NUDT17: variants seen among roughly 807,000 people sequenced by gnomAD.
NUDT17 encodes nudix hydrolase 17.
Under a neutral mutation model 38.6 loss-of-function variants are expected in NUDT17, and 38 were observed. The ratio of observed to expected loss-of-function variants is 0.98; its 90% CI spans 0.76 to 1.29. The LOEUF (loss-of-function observed/expected upper bound fraction) is 1.29. Among genes scored for constraint, NUDT17 ranks in the 50% most tolerant of loss-of-function variants. NUDT17 has a pLI of 0.00. For missense variants in NUDT17, 462 were observed against 415.2 expected (o/e 1.11, Z -0.98); for synonymous variants, 192 against 167.8 (o/e 1.14, Z -1.11).
Position 145,845,779 on chromosome 1 carries a change from C to G in NUDT17, c.139C>G (p.Leu47Val). 6.3e-7 allele frequency: 1 copy of G among 1,591,896 alleles called. No individual in the cohort carries two copies. The highest frequency in any genetic ancestry group is 1.3e-5 in the African/African-American group (1 of 74,706). Reference protein sequence around the residue: ...PIHCSLKRGRLVLSSRPFPGA... With the variant: ...PIHCSLKRGRVVLSSRPFPGA... ...TCACTGCAGCTTGAAGCGAGGACGG[C>G]TTGTCCTCTCGAGCAGGCCCTTCCC... is the stretch of plus-strand genomic sequence containing the variant. The change falls in exon 1 of 8, where the codon CTT becomes GTT. Residue 47 changes from leucine to valine, a missense_variant. Physicochemically the swap from Leu to Val is conservative, Grantham distance 32. Coordinates refer to ENST00000334513, the MANE Select transcript of NUDT17 (RefSeq NM_001012758.3).
Position 145,846,158 on chromosome 1 carries a change from G to T in NUDT17, c.338G>T (p.Arg113Leu). 3.1e-6 allele frequency: 5 copies of T among 1,595,748 alleles called. No homozygotes were observed. Among genetic ancestry groups the T allele is most frequent in the South Asian group, 1.1e-5 (1 of 88,152 alleles). The change falls in exon 2 of 8, where the codon CGC becomes CTC. Residue 113 changes from arginine to leucine, a missense_variant. Arg to Leu is a moderately radical substitution (Grantham distance 102, BLOSUM62 -2). Transcript: ENST00000334513. ...ACTGTCTTGCTAACCCGAAGGGCAC[G>T]CACCCTGAGCGTTTCCCCCAACCTC... is the stretch of plus-strand genomic sequence containing the variant. Reference protein sequence around the residue: ...DKTVLLTRRARTLSVSPNLWV... With the variant: ...DKTVLLTRRALTLSVSPNLWV...
Position 145,847,677 on chromosome 1 carries a change from A to G in NUDT17, c.689A>G (p.Glu230Gly). The G allele has an allele frequency of 6.2e-7, 1 of 1,614,090 alleles. No individual in the cohort carries two copies. The highest frequency in any genetic ancestry group is 8.5e-7 in the Non-Finnish European group (1 of 1,180,008). ...AAVAAAEDGT[E>G]TPGLLPQDLP... Reference sequence around the variant, plus strand: ...GTGGCTGCCGCAGAGGATGGGACAGAGACACCCGGACTTCTCCCCCAGGAC... The same window carrying G: ...GTGGCTGCCGCAGAGGATGGGACAGGGACACCCGGACTTCTCCCCCAGGAC... Residue 230 changes from glutamate to glycine, a missense_variant, in exon 6 of 8, where the codon GAG becomes GGG. Glu to Gly is a moderately conservative substitution (Grantham distance 98). Coordinates refer to ENST00000334513, the MANE Select transcript of NUDT17 (RefSeq NM_001012758.3).
At position 145,847,706 on chromosome 1, in the gene NUDT17, C is replaced by A. The variant is rs1553732999; in HGVS notation, c.718C>A (p.Pro240Thr). The change falls in exon 6 of 8, where the codon CCA becomes ACA. Residue 240 changes from proline to threonine, a missense_variant. By Grantham distance (38) the Pro-to-Thr change is conservative. Coordinates refer to ENST00000334513, the MANE Select transcript of NUDT17 (RefSeq NM_001012758.3). Reference protein sequence around the residue: ...ETPGLLPQDLPPSVLAVELEE... With the variant: ...ETPGLLPQDLTPSVLAVELEE... ...ACCCGGACTTCTCCCCCAGGACCTA[C>A]CACCCTCTGTCCTGTAAGTAAGAGC... The A allele has an allele frequency of 6.2e-7, 1 of 1,614,014 alleles. No individual in the cohort carries two copies. Among genetic ancestry groups the A allele is most frequent in the African/African-American group, 1.3e-5 (1 of 74,908 alleles).
At position 145,848,140 on chromosome 1, in the gene NUDT17, G is replaced by C. The variant is rs782700883; in HGVS notation, c.760G>C (p.Ala254Pro). 2.5e-6 allele frequency: 4 copies of C among 1,613,808 alleles called. No individual in the cohort carries two copies. The highest frequency in any genetic ancestry group is 3.4e-6 in the Non-Finnish European group (4 of 1,179,954). The stretch of plus-strand genomic sequence containing the variant: ...AGTGGAACTAGAGGAGGATGGAAGA[G>C]CCCGACCTCTGGTCCTGCACATGTC... ...LAVELEEDGR[A>P]RPLVLHMSTL... The change falls in exon 7 of 8, where the codon GCC becomes CCC. Residue 254 changes from alanine (A) to proline (P), a missense_variant. Physicochemically the swap from Ala to Pro is conservative, Grantham distance 27 (BLOSUM62 -1). Coordinates refer to ENST00000334513, the MANE Select transcript of NUDT17 (RefSeq NM_001012758.3).
Position 145,845,727 on chromosome 1 carries a change from C to A in NUDT17, c.87C>A (p.Ala29=), listed in dbSNP as rs1367308327. The part of the protein sequence containing the change: ...FARSVCGLLG[A]GPGLGTWPIH... The stretch of plus-strand genomic sequence containing the variant: ...GGAGTGTGTGTGGCCTCCTGGGAGC[C>A]GGACCAGGGCTCGGGACGTGGCCCA... The change falls in exon 1 of 8, where the codon GCC becomes GCA. Residue 29 remains alanine (A), a synonymous_variant. Transcript: ENST00000334513. 1.3e-6 allele frequency: 2 copies of A among 1,558,740 alleles called. No individual in the cohort carries two copies. Among genetic ancestry groups the A allele is most frequent in the African/African-American group, 2.7e-5 (2 of 73,552 alleles).
At position 145,848,724 on chromosome 1, in the gene NUDT17, G is replaced by T; in HGVS notation, c.*245G>T. 6.7e-6 allele frequency: 3 copies of T among 449,602 alleles called. No individual in the cohort carries two copies. In the South Asian group the frequency reaches 1.1e-4, roughly 16 times the overall value. The allele number at this position is 449,602 out of a possible 1,614,324, so 27.9% of individuals were successfully genotyped here. ...CCATGAGCCTCTAGAAGCTTAGGGG[G>T]GAATAAGAAACACTGTGAACTTAGA... On this transcript the variant is annotated 3_prime_UTR_variant, in exon 8 of 8. Transcript: ENST00000334513.
chr1:145,846,011 A>T lies in NUDT17; in HGVS notation c.193-2A>T, dbSNP rs1469130425. 1 of 1,597,250 alleles carries T rather than the reference A, an allele frequency of 6.3e-7. No individual in the cohort carries two copies. The highest frequency in any genetic ancestry group is 8.5e-7 in the Non-Finnish European group (1 of 1,172,722). On this transcript the variant is annotated splice_acceptor_variant, in intron 1 of 7. Transcript: ENST00000334513. LOFTEE classifies it high-confidence loss of function. Reference sequence around the variant, plus strand: ...TTAACCCAGCTGGCTTCCTTCTGCCAGCGACCCCCTTTCTGCCCTTTTGCG... The same window carrying T: ...TTAACCCAGCTGGCTTCCTTCTGCCTGCGACCCCCTTTCTGCCCTTTTGCG...
rs1553732022 is a variant in NUDT17, at chr1:145,845,676, G to A, written c.36G>A (p.Arg12=). 6.5e-7 allele frequency: 1 copy of A among 1,535,936 alleles called. No individual in the cohort carries two copies. The highest frequency in any genetic ancestry group is 1.2e-5 in the South Asian group (1 of 83,732). Residue 12 remains arginine (R), a synonymous_variant, in exon 1 of 8, where the codon CGG becomes CGA. Transcript: ENST00000334513. The part of the protein sequence containing the change: ...AEVRVQLLLS[R]RPESVSFARS... ...TGCGGGTGCAGCTGCTCCTGTCCCG[G>A]CGTCCGGAGTCGGTGAGCTTCGCAC...
chr1:145,845,900 A>C, intron 1 of NUDT17, 68 bp downstream of exon 1: 1 of 1,532,180 alleles, frequency 6.5e-7, no homozygotes, highest in South Asian at 1.2e-5. Flanking sequence ...ATCGGGTGGG[A>C]ACTGGCGGCG....
In NUDT17 at chr1:145,848,762, G is replaced by GA; in HGVS notation, c.*284dup. ...CTGTGAACTTAGATATATAAATAGA[G>GA]AGAGACCCAAGCAATAGGCCGGGCC... On this transcript the variant is annotated 3_prime_UTR_variant, in exon 8 of 8. Coordinates refer to ENST00000334513, the MANE Select transcript of NUDT17 (RefSeq NM_001012758.3). 3.0e-6 allele frequency: 1 copy of GA among 328,712 alleles called. No individual in the cohort carries two copies. The highest frequency in any genetic ancestry group is 5.6e-6 in the Non-Finnish European group (1 of 179,406). 20.4% of individuals were successfully genotyped at this position (328,712 alleles called of 1,614,324 possible). A position where few individuals can be genotyped will look rare whatever the true frequency, so the allele number is the denominator to read the frequency against.
At position 145,845,653 on chromosome 1, in the gene NUDT17, CGG is replaced by C. The variant is rs1201644551; in HGVS notation, c.15_16del (p.Val6AlafsTer54). On this transcript the variant is annotated frameshift_variant, in exon 1 of 8. Transcript: ENST00000334513. LOFTEE classifies it high-confidence loss of function. MAEV[R>X]VQLLLSRRPE... ...CCAGAGTCGCGTTATGGCCGAGGTG[CGG>C]GTGCAGCTGCTCCTGTCCCGGCGTC... is the stretch of plus-strand genomic sequence containing the variant. 1 of 1,519,738 alleles carries C rather than the reference CGG, an allele frequency of 6.6e-7. No homozygotes were observed. The highest frequency in any genetic ancestry group is 8.9e-7 in the Non-Finnish European group (1 of 1,125,460). The allele number at this position is 1,519,738 out of a possible 1,614,324, so 94.1% of individuals were successfully genotyped here.
intron 5 of NUDT17, 112 bp downstream of exon 5, chr1:145,847,460 G>C (rs1408691046): frequency 6.9e-7 from 1 of 1,454,094 alleles, no homozygotes; most frequent in Admixed American, 1.7e-5. Context: ...AGATAACGAA[G>C]AATATGCAAT....
chr1:145,846,755 A>C, intron 4 of NUDT17, 65 bp downstream of exon 4: 1 of 1,095,352 alleles, frequency 9.1e-7, no homozygotes, highest in Non-Finnish European at 1.4e-6. Flanking sequence ...GCTACAAGGG[A>C]AACAATAGCA....
At chr1:145,846,348 G>T in intron 2 of NUDT17, 85 bp from the exon 3 acceptor site, 1 of 1,515,528 alleles carries the variant, frequency 6.6e-7, no homozygotes, top group Non-Finnish European at 9.2e-7. Flanking sequence ...TGTGTCCACT[G>T]GAGGGGAGAG....
chr1:145,847,060 G>A (rs1030559340), intron 4 of NUDT17, among the ~76,000 whole-genome samples, 190 bp from the exon 5 acceptor site: 1 of 152,138 alleles, frequency 6.6e-6, no homozygotes, highest in Non-Finnish European at 1.5e-5. Context: ...TGGGCGTGGC[G>A]GCAGGCGCCT....
rs1393775376 is a variant in NUDT17 at position 145,846,624 on chromosome 1, TTGGGAGGAGAG to T, written c.433_443del (p.Glu145ThrfsTer23). 1 of 1,614,016 alleles carries T rather than the reference TTGGGAGGAGAG, an allele frequency of 6.2e-7. No homozygotes were observed. Among genetic ancestry groups the T allele is most frequent in the Non-Finnish European group, 8.5e-7 (1 of 1,179,994 alleles). On this transcript the variant is annotated frameshift_variant, in exon 4 of 8. Coordinates refer to ENST00000334513, the MANE Select transcript of NUDT17 (RefSeq NM_001012758.3). LOFTEE classifies it high-confidence loss of function. ...TGCTGGACGGAGGGCTTCGAGAACT[TTGGGAGGAGAG>T]TGGACTACACCTGCCCCAGGGCCAG...
Position 145,846,031 on chromosome 1 carries a change from TTTGC to T in NUDT17, c.212_215del (p.Phe71TrpfsTer37). On this transcript the variant is annotated frameshift_variant, in exon 2 of 8. Coordinates refer to ENST00000334513, the MANE Select transcript of NUDT17 (RefSeq NM_001012758.3). LOFTEE classifies it high-confidence loss of function. ...CTGCCAGCGACCCCCTTTCTGCCCT[TTTGC>T]GGCCCTGGAGGAGCGGCCCAGGGTC... is the stretch of plus-strand genomic sequence containing the variant. 6.2e-7 allele frequency: 1 copy of T among 1,603,746 alleles called. No individual in the cohort carries two copies. Among genetic ancestry groups the T allele is most frequent in the Non-Finnish European group, 8.5e-7 (1 of 1,175,988 alleles).
At position 145,846,122 on chromosome 1, in the gene NUDT17, C is replaced by G; in HGVS notation, c.302C>G (p.Ser101Cys). The change falls in exon 2 of 8, where the codon TCC becomes TGC. Residue 101 changes from serine to cysteine, a missense_variant. Ser to Cys is a moderately radical substitution (Grantham distance 112). Transcript: ENST00000334513. The part of the protein sequence containing the change: ...VDLGVAVILQ[S>C]SDKTVLLTRR... ...CTGGGTGTGGCCGTCATTCTGCAGT[C>G]CAGCGACAAGACTGTCTTGCTAACC... 1 of 1,601,046 alleles carries G rather than the reference C, an allele frequency of 6.2e-7. No homozygotes were observed.
At position 145,848,642 on chromosome 1, in the gene NUDT17, ACAGGGTCCTTC is replaced by A. The variant is rs1652829619; in HGVS notation, c.*166_*176del. 3.3e-6 allele frequency: 2 copies of A among 610,596 alleles called. No homozygotes were observed. Among genetic ancestry groups the A allele is most frequent in the South Asian group, 2.0e-5 (1 of 48,900 alleles). The allele number at this position is 610,596 out of a possible 1,614,324, so 37.8% of individuals were successfully genotyped here. ...GAAAAAGAAGATTGGGAAGGAGGGC[ACAGGGTCCTTC>A]CACCTCCCTGGAAAGGTGCAGAATG... On this transcript the variant is annotated 3_prime_UTR_variant, in exon 8 of 8. Transcript: ENST00000334513.
Sources: allele counts gnomAD v4.1 joint callset (sites outside exome capture counted in the v4.1 genomes callset), GRCh38; gene constraint gnomAD v4.1.1; transcripts MANE v1.5; gene names NCBI Gene and HGNC (gene_info 2026-07-23, HGNC 2026-07-21).